GABRB3: variants seen among roughly 807,000 people sequenced by gnomAD.
GABRB3 encodes gamma-aminobutyric acid type A receptor subunit beta3.
GABRB3 carries 14 observed loss-of-function variants against 52.1 expected under a neutral mutation model. The observed-to-expected ratio is 0.27, with a 90% CI of 0.18 to 0.42. GABRB3 has a LOEUF of 0.42. Among genes scored for constraint, GABRB3 ranks in the 10% least tolerant of loss-of-function variants. The pLI, the probability that GABRB3 is intolerant of heterozygous loss-of-function variation, is 1.00. For synonymous variants in GABRB3, 260 were observed against 232.3 expected, an observed-to-expected ratio of 1.12 and a Z score of -1.08; for missense variants, 307 against 609.1, an observed-to-expected ratio of 0.50 and a Z score of 5.22.
At chr15:26,710,727 T>C (rs767537795) in intron 3 of GABRB3, among the ~76,000 whole-genome samples, 2 of 152,222 alleles carry the variant, frequency 1.3e-5, no homozygotes, top group African/African-American at 2.4e-5. Flanking sequence ...ATTGTCAATC[T>C]TCAAGGGAAA....
In GABRB3 at chr15:26,622,858, C is replaced by T. The variant is rs147165918; in HGVS notation, c.241-1324G>A. ...GTACTATATCACTGTAAACAAAATA[C>T]GTTTTTAAGCTTTGAGTCCCATAAA... On this transcript the variant is annotated intron_variant, in intron 3 of 8. Coordinates refer to ENST00000311550, the MANE Select transcript of GABRB3 (RefSeq NM_000814.6). Among the ~76,000 whole-genome samples, 66 of 152,186 alleles carry T rather than the reference C, an allele frequency of 4.3e-4. No homozygotes were observed. The East Asian group carries it at 0.011, about 26-fold the overall frequency.
chr15:26,611,979 A>G (rs1050485607), intron 4 of GABRB3: 3 of 152,230 alleles, frequency 2.0e-5, no homozygotes, highest in African/African-American at 4.8e-5. Flanking sequence ...CTCTGCATAG[A>G]TAGTATTAGC....
intron 6 of GABRB3, among the ~76,000 whole-genome samples, chr15:26,576,565 G>T (rs1890601050): frequency 6.6e-6 from 1 of 152,152 alleles, no homozygotes; most frequent in African/African-American, 2.4e-5. Context: ...AAATCTGCTT[G>T]AGGATTTATT....
intron 4 of GABRB3, among the ~76,000 whole-genome samples, chr15:26,595,852 G>A (rs577210066): frequency 3.9e-5 from 6 of 152,242 alleles, no homozygotes; most frequent in Non-Finnish European, 8.8e-5. Flanking sequence ...GGTCAACTTC[G>A]ATTGTCCTAT....
intron 4 of GABRB3, among the ~76,000 whole-genome samples, chr15:26,594,171 ATTAT>A (rs1891311627): frequency 6.6e-6 from 1 of 150,808 alleles, no homozygotes; most frequent in Non-Finnish European, 1.5e-5. Flanking sequence ...GAATAAAGAG[ATTAT>A]TTAAAGTCTT....
chr15:26,750,790 G>C (rs1452174483), intron 3 of GABRB3, among the ~76,000 whole-genome samples: 2 of 152,144 alleles, frequency 1.3e-5, no homozygotes, highest in Admixed American at 6.5e-5. Context: ...TGTGATGCAG[G>C]CTAGAAAGTG....
rs767605381 is a variant in GABRB3 at position 26,543,663 on chromosome 15, C to T, written c.*4130G>A. 5 of 152,556 alleles carry T rather than the reference C, an allele frequency of 3.3e-5. No homozygotes were observed. Among genetic ancestry groups the T allele is most frequent in the Non-Finnish European group, 7.4e-5 (5 of 68,018 alleles). The allele number at this position is 152,556 out of a possible 1,614,324, so 9.5% of individuals were successfully genotyped here. ...GTCAAATAATACCAAAAAATTACAT[C>T]AATGTGCTTAAGCAAAACTGGGTTT... On this transcript the variant is annotated 3_prime_UTR_variant, in exon 9 of 9. Transcript: ENST00000311550.
At chr15:26,711,551 T>C (rs1231469084) in intron 3 of GABRB3, among the ~76,000 whole-genome samples, 1 of 152,168 alleles carries the variant, frequency 6.6e-6, no homozygotes, top group Non-Finnish European at 1.5e-5. Flanking sequence ...GACTGGCTCT[T>C]ATCTAGATTT....
chr15:26,728,189 C>G (rs1889821708), intron 3 of GABRB3, among the ~76,000 whole-genome samples: 1 of 152,174 alleles, frequency 6.6e-6, no homozygotes, highest in Non-Finnish European at 1.5e-5. Flanking sequence ...ATACCTCATT[C>G]TACTAGGTGA....
Position 26,772,974 on chromosome 15 carries a change from GC to G in GABRB3, c.-13del. 2 of 1,405,634 alleles carry G rather than the reference GC, an allele frequency of 1.4e-6. No individual in the cohort carries two copies. The highest frequency in any genetic ancestry group is 9.3e-7 in the Non-Finnish European group (1 of 1,071,354). The allele number at this position is 1,405,634 out of a possible 1,614,324, so 87.1% of individuals were successfully genotyped here. ...GCAAGGCCCCACATCCCTCCGCCGCGCCCCGGCACGGGGGAGGGGGCGCCCC... is the reference window on the plus strand; with the variant it reads ...GCAAGGCCCCACATCCCTCCGCCGCGCCCGGCACGGGGGAGGGGGCGCCCC... On this transcript the variant is annotated 5_prime_UTR_variant, in exon 1 of 9. Transcript: ENST00000311550.
chr15:26,655,878 G>A (rs1887357761), intron 3 of GABRB3, among the ~76,000 whole-genome samples: 1 of 151,962 alleles, frequency 6.6e-6, no homozygotes, highest in Non-Finnish European at 1.5e-5. Flanking sequence ...GCTCATTATT[G>A]TTTTCATTTA....
At chr15:26,693,904 A>G (rs1186832538) in intron 3 of GABRB3, among the ~76,000 whole-genome samples, 1 of 152,180 alleles carries the variant, frequency 6.6e-6, no homozygotes, top group Non-Finnish European at 1.5e-5. Context: ...AAGTTCTCAG[A>G]TGAAGACTAC....
chr15:26,703,019 G>A (rs1888985281), intron 3 of GABRB3, among the ~76,000 whole-genome samples: 1 of 152,104 alleles, frequency 6.6e-6, no homozygotes, highest in Non-Finnish European at 1.5e-5. Context: ...TCACATGGTG[G>A]AAGAAGCAAG....
intron 3 of GABRB3, among the ~76,000 whole-genome samples, chr15:26,744,054 C>T (rs545053884): frequency 8.6e-4 from 131 of 152,278 alleles, no homozygotes; most frequent in African/African-American, 2.9e-3. Context: ...CCCAGTGTGA[C>T]CAACATCGTG....
chr15:26,602,115 A>G (rs559610712), intron 4 of GABRB3, among the ~76,000 whole-genome samples: 2 of 152,306 alleles, frequency 1.3e-5, no homozygotes, highest in Admixed American at 6.5e-5. Context: ...ACCTGTACAT[A>G]TATCAGACAA....
chr15:26,766,809 C>A (rs1162797791), intron 3 of GABRB3, among the ~76,000 whole-genome samples: 1 of 152,120 alleles, frequency 6.6e-6, no homozygotes, highest in Non-Finnish European at 1.5e-5. Context: ...CTAAAGACAA[C>A]ATACCATAAG....
At chr15:26,555,134 A>T in intron 8 of GABRB3, among the ~76,000 whole-genome samples, 1 of 152,180 alleles carries the variant, frequency 6.6e-6, no homozygotes, top group East Asian at 1.9e-4. Context: ...CAGTGAGCTG[A>T]GATCGCGCCA....
In GABRB3 at chr15:26,592,371, T is replaced by A. The variant is rs531381738; in HGVS notation, c.462-8957A>T. 6.6e-5 allele frequency among the ~76,000 whole-genome samples: 10 copies of A among 152,322 alleles called. No individual in the cohort carries two copies. The East Asian group carries it at 1.5e-3, about 24-fold the overall frequency. On this transcript the variant is annotated intron_variant, in intron 4 of 8. Coordinates refer to ENST00000311550, the MANE Select transcript of GABRB3 (RefSeq NM_000814.6). ...ATATTGGCACTAGAAAGTCACTTTGTTTCTATGAATCTGTCCCACCAAAGC... is the reference window on the plus strand; with the variant it reads ...ATATTGGCACTAGAAAGTCACTTTGATTCTATGAATCTGTCCCACCAAAGC...
rs113948536 is a variant in GABRB3, at chr15:26,561,976, T to C, written c.836-800A>G. Among the ~76,000 whole-genome samples, 578 of 152,352 alleles carry C rather than the reference T, an allele frequency of 3.8e-3. 2 individuals carry two copies. The highest frequency in any genetic ancestry group is 0.013 in the African/African-American group (532 of 41,590). The stretch of plus-strand genomic sequence containing the variant: ...TTAAATGTCGTTATGTTGAATTCTT[T>C]ACATAGTATTGTATGGATGATCTCA... On this transcript the variant is annotated intron_variant, in intron 7 of 8. Coordinates refer to ENST00000311550, the MANE Select transcript of GABRB3 (RefSeq NM_000814.6).
Sources: gnomAD v4.1 joint callset for allele counts (sites outside exome capture counted in the v4.1 genomes callset) on GRCh38, gnomAD v4.1.1 for gene constraint, MANE v1.5 for transcripts, NCBI Gene and HGNC (gene_info 2026-07-23, HGNC 2026-07-21) for gene names.